ACBD3: variants seen among roughly 807,000 people sequenced by gnomAD.
ACBD3 encodes Golgi resident protein GCP60.
ACBD3 carries 30 observed loss-of-function variants against 66.9 expected under a neutral mutation model. The ratio of observed to expected loss-of-function variants is 0.45; its 90% CI spans 0.34 to 0.61. ACBD3 has a LOEUF of 0.61. Ranked by LOEUF, ACBD3 falls within the 20% of genes least tolerant of loss-of-function variation. The probability of loss-of-function intolerance (pLI) is 0.02; values close to 1 mark genes in which losing one functional copy is unlikely to be tolerated. For missense variants in ACBD3, 544 were observed against 664.5 expected (o/e 0.82, Z 1.99); for synonymous variants, 278 against 259.8 (o/e 1.07, Z -0.68).
intron 1 of ACBD3, among the ~76,000 whole-genome samples, chr1:226,177,657 G>A (rs57636157): frequency 6.6e-6 from 1 of 152,028 alleles, no homozygotes; most frequent in African/African-American, 2.4e-5. Context: ...CCAACCATGA[G>A]AGTCTGAACA....
chr1:226,166,007 G>A lies in ACBD3; in HGVS notation c.287-7C>T, dbSNP rs1355438798. ...AATGCTTTGCCATCTTTTTCTATAA[G>A]AAAAAGAAACACAAAGAAAACAATT... On this transcript the variant is annotated splice_region_variant and splice_polypyrimidine_tract_variant and intron_variant, in intron 1 of 7. Transcript: ENST00000366812. The A allele has an allele frequency of 6.3e-7, 1 of 1,597,300 alleles. No homozygotes were observed. The highest frequency in any genetic ancestry group is 2.2e-5 in the East Asian group (1 of 44,652).
intron 3 of ACBD3, among the ~76,000 whole-genome samples, chr1:226,163,916 T>TTTGA (rs1659818731): frequency 6.6e-6 from 1 of 151,452 alleles, no homozygotes; most frequent in South Asian, 2.1e-4. Flanking sequence ...AGGTCAGGAG[T>TTTGA]TTGAGACCAG....
At position 226,152,490 on chromosome 1, in the gene ACBD3, A is replaced by G; in HGVS notation, c.1220T>C (p.Val407Ala). 6.2e-7 allele frequency: 1 copy of G among 1,614,164 alleles called. No homozygotes were observed. Among genetic ancestry groups the G allele is most frequent in the African/African-American group, 1.3e-5 (1 of 75,038 alleles). Residue 407 changes from valine to alanine, a missense_variant, in exon 7 of 8, where the codon GTA becomes GCA. Coordinates refer to ENST00000366812, the MANE Select transcript of ACBD3 (RefSeq NM_022735.4). ...ATATGATCCTTCTTCATGGGTGGGT[A>G]CTCGAACAGTGACCACTTCTCCTCG... ...VGRGEVVTVR[V>A]PTHEEGSYLF...
At chr1:226,172,801 G>A (rs1655873125) in intron 1 of ACBD3, among the ~76,000 whole-genome samples, 1 of 152,010 alleles carries the variant, frequency 6.6e-6, no homozygotes, top group Admixed American at 6.6e-5. Context: ...AAAAACAGCT[G>A]GGTGTGGTGG....
At position 226,146,416 on chromosome 1, in the gene ACBD3, T is replaced by C. The variant is rs1659452079; in HGVS notation, c.*194A>G. 1.1e-5 allele frequency: 6 copies of C among 570,260 alleles called. No individual in the cohort carries two copies. The highest frequency in any genetic ancestry group is 3.1e-5 in the Admixed American group (1 of 32,256). 35.3% of individuals were successfully genotyped at this position (570,260 alleles called of 1,614,324 possible). ...CCAAGGGCTGGATGAGTCTGAGGAA[T>C]CTCCTTTAACCCCAAAGTATGAATG... On this transcript the variant is annotated 3_prime_UTR_variant, in exon 8 of 8. Coordinates refer to ENST00000366812, the MANE Select transcript of ACBD3 (RefSeq NM_022735.4).
intron 3 of ACBD3, among the ~76,000 whole-genome samples, chr1:226,163,125 CT>C (rs1045481025): frequency 9.2e-5 from 14 of 152,274 alleles, no homozygotes; most frequent in African/African-American, 3.4e-4. Flanking sequence ...CCATGACCTA[CT>C]TTTAATGTGT....
intron 5 of ACBD3, chr1:226,155,154 A>C (rs1042807038): frequency 5.8e-6 from 1 of 172,096 alleles, no homozygotes; most frequent in African/African-American, 2.4e-5. Context: ...AAAGTGGCTC[A>C]CACCTGTAAT....
At chr1:226,170,333 ATTTTTT>A (rs71574563) in intron 1 of ACBD3, among the ~76,000 whole-genome samples, 83 of 109,810 alleles carry the variant, frequency 7.6e-4, no homozygotes, top group African/African-American at 2.9e-3. Context: ...AATTTTTTGA[ATTTTTT>A]TTTTTTTTTT....
At chr1:226,179,644 G>A (rs1656126765) in intron 1 of ACBD3, among the ~76,000 whole-genome samples, 1 of 151,916 alleles carries the variant, frequency 6.6e-6, no homozygotes, top group Admixed American at 6.6e-5. Flanking sequence ...ATCACCTGAT[G>A]TTGGGAGTTT....
chr1:226,169,067 T>G (rs1659932265), intron 1 of ACBD3, among the ~76,000 whole-genome samples: 1 of 152,074 alleles, frequency 6.6e-6, no homozygotes, highest in African/African-American at 2.4e-5. Context: ...TTCACCATGT[T>G]AGCCAGGCTG....
intron 1 of ACBD3, among the ~76,000 whole-genome samples, chr1:226,182,820 G>A (rs918176138): frequency 6.6e-6 from 1 of 152,054 alleles, no homozygotes; most frequent in African/African-American, 2.4e-5. Flanking sequence ...AGTTGTCACT[G>A]GGTCCTTAAC....
At chr1:226,163,810 A>G (rs1659815912) in intron 3 of ACBD3, among the ~76,000 whole-genome samples, 1 of 152,180 alleles carries the variant, frequency 6.6e-6, no homozygotes, top group East Asian at 1.9e-4. Context: ...AGGAAACCAG[A>G]GAATCAATTG....
intron 1 of ACBD3, among the ~76,000 whole-genome samples, chr1:226,173,127 G>A (rs971501387): frequency 4.6e-5 from 7 of 152,096 alleles, no homozygotes; most frequent in African/African-American, 1.7e-4. Flanking sequence ...CCAAAATTTA[G>A]CTGGGCATGG....
chr1:226,162,405 C>T (rs1659789362), intron 3 of ACBD3, among the ~76,000 whole-genome samples: 1 of 152,086 alleles, frequency 6.6e-6, no homozygotes, highest in African/African-American at 2.4e-5. Flanking sequence ...GTTTCATATA[C>T]TGCCATAAAT....
chr1:226,186,480 C>G lies in ACBD3; in HGVS notation c.196G>C (p.Gly66Arg), dbSNP rs1206691632. The G allele has an allele frequency of 5.4e-6, 8 of 1,492,100 alleles. No individual in the cohort carries two copies. The highest frequency in any genetic ancestry group is 1.3e-5 in the South Asian group (1 of 78,734). The allele number at this position is 1,492,100 out of a possible 1,614,324, so 92.4% of individuals were successfully genotyped here. ...EQPEPGEAAA[G>R]GAAEEARRLE... Reference sequence around the variant, plus strand: ...CGCCGCGCCTCCTCCGCCGCGCCCCCAGCCGCCGCCTCCCCGGGCTCGGGC... The same window carrying G: ...CGCCGCGCCTCCTCCGCCGCGCCCCGAGCCGCCGCCTCCCCGGGCTCGGGC... Residue 66 changes from glycine to arginine, a missense_variant, in exon 1 of 8, where the codon GGG becomes CGG. By Grantham distance (125) the Gly-to-Arg change is moderately radical (BLOSUM62 -2). Around this residue, in one of 3 missense-constraint regions of ACBD3, gnomAD observed 137 missense variants for 145.9 expected, o/e 0.94. Coordinates refer to ENST00000366812, the MANE Select transcript of ACBD3 (RefSeq NM_022735.4).
chr1:226,184,236 C>G (rs1226342131), intron 1 of ACBD3, among the ~76,000 whole-genome samples: 3 of 152,162 alleles, frequency 2.0e-5, no homozygotes, highest in Non-Finnish European at 4.4e-5. Context: ...TGGCTCACTC[C>G]ACATTCCATA....
chr1:226,146,836 A>G lies in ACBD3; in HGVS notation c.1376-15T>C. On this transcript the variant is annotated splice_polypyrimidine_tract_variant and intron_variant, in intron 7 of 7. Transcript: ENST00000366812. ...ACCGATGTTTTCTGTAAGAACAGAGACAAGTCAATGAACAGATTCAGGAAA... is the reference window on the plus strand; with the variant it reads ...ACCGATGTTTTCTGTAAGAACAGAGGCAAGTCAATGAACAGATTCAGGAAA... 6.2e-7 allele frequency: 1 copy of G among 1,611,324 alleles called. No homozygotes were observed. Among genetic ancestry groups the G allele is most frequent in the Non-Finnish European group, 8.5e-7 (1 of 1,177,444 alleles).
rs1251133433 is a variant in ACBD3 at position 226,145,802 on chromosome 1, A to C, written c.*808T>G. ...AAATCCTTAATTTTATTCTTTGTGCAGAAAAGTTTCAATTTGAGATACTCT... is the reference window on the plus strand; with the variant it reads ...AAATCCTTAATTTTATTCTTTGTGCCGAAAAGTTTCAATTTGAGATACTCT... On this transcript the variant is annotated 3_prime_UTR_variant, in exon 8 of 8. Coordinates refer to ENST00000366812, the MANE Select transcript of ACBD3 (RefSeq NM_022735.4). 6.6e-6 allele frequency: 1 copy of C among 152,168 alleles called. No individual in the cohort carries two copies. The highest frequency in any genetic ancestry group is 1.5e-5 in the Non-Finnish European group (1 of 67,990). 9.4% of individuals were successfully genotyped at this position (152,168 alleles called of 1,614,324 possible).
chr1:226,173,758 T>TG (rs1655925015), intron 1 of ACBD3, among the ~76,000 whole-genome samples: 1 of 42,040 alleles, frequency 2.4e-5, no homozygotes, highest in Non-Finnish European at 4.4e-5. Flanking sequence ...TTTTCTTTTC[T>TG]TTTTTTTTTT....
Sources: gnomAD v4.1 joint callset for allele counts (sites outside exome capture counted in the v4.1 genomes callset) on GRCh38, gnomAD v4.1.1 for gene constraint, gnomAD v4.1.1 regional missense constraint, MANE v1.5 for transcripts, NCBI Gene and HGNC (gene_info 2026-07-23, HGNC 2026-07-21) for gene names.